DPP10: variants seen among roughly 807,000 people sequenced by gnomAD.
DPP10 encodes the protein dipeptidyl peptidase like 10.
Under a neutral mutation model 120.9 loss-of-function variants are expected in DPP10, and 33 were observed. The ratio of observed to expected loss-of-function variants is 0.27; its 90% CI spans 0.21 to 0.37. The LOEUF (loss-of-function observed/expected upper bound fraction) is 0.37, where lower values mean the gene tolerates loss of function less well. Among genes scored for constraint, DPP10 ranks in the 10% least tolerant of loss-of-function variants. DPP10 has a pLI of 1.00. For missense variants in DPP10, 816 were observed against 942.8 expected (o/e 0.87, Z 1.76); for synonymous variants, 337 against 326.1 (o/e 1.03, Z -0.36).
At chr2:114,921,082 G>T (rs955202210) in intron 1 of DPP10, among the ~76,000 whole-genome samples, 2 of 152,200 alleles carry the variant, frequency 1.3e-5, no homozygotes, top group Admixed American at 6.5e-5. Context: ...AATAAATAAA[G>T]TTCTTCACCC....
intron 1 of DPP10, among the ~76,000 whole-genome samples, chr2:115,300,884 C>G (rs938771403): frequency 3.3e-5 from 5 of 151,910 alleles, no homozygotes; most frequent in Non-Finnish European, 1.5e-5. Context: ...GGCTGGATTT[C>G]CCTGTTTCTT....
chr2:114,515,880 T>G (rs1250526818), intron 1 of DPP10, among the ~76,000 whole-genome samples: 1 of 152,144 alleles, frequency 6.6e-6, no homozygotes, highest in Non-Finnish European at 1.5e-5. Context: ...ATGGATCTCC[T>G]TAGCGCTGGT....
At chr2:115,579,476 T>C (rs897338216) in intron 5 of DPP10, 2 of 152,246 alleles carry the variant, frequency 1.3e-5, no homozygotes, top group East Asian at 1.9e-4. Flanking sequence ...TGTGGCCTAA[T>C]GGTGGAACCA....
intron 1 of DPP10, among the ~76,000 whole-genome samples, chr2:114,813,392 A>T (rs1685350162): frequency 6.6e-6 from 1 of 152,202 alleles, no homozygotes; most frequent in Admixed American, 6.5e-5. Context: ...GTAAACAGGA[A>T]TAAAATACCA....
chr2:115,733,186 T>G (rs2092951892), intron 8 of DPP10, among the ~76,000 whole-genome samples: 1 of 152,214 alleles, frequency 6.6e-6, no homozygotes, highest in East Asian at 1.9e-4. Flanking sequence ...CTTTTTTTGT[T>G]GAAATAAAAC....
intron 1 of DPP10, among the ~76,000 whole-genome samples, chr2:114,544,936 C>T (rs993508319): frequency 2.6e-5 from 4 of 151,998 alleles, no homozygotes; most frequent in African/African-American, 9.7e-5. Flanking sequence ...ACTGCAACCT[C>T]CGCCTTCTGG....
chr2:115,266,354 A>G (rs548227195), intron 1 of DPP10, among the ~76,000 whole-genome samples: 10 of 152,320 alleles, frequency 6.6e-5, no homozygotes, highest in African/African-American at 2.4e-4. Flanking sequence ...GATATGCACC[A>G]TGGTCACCTA....
chr2:115,816,580 A>G (rs1687249955), intron 21 of DPP10, among the ~76,000 whole-genome samples: 1 of 150,422 alleles, frequency 6.6e-6, no homozygotes, highest in East Asian at 2.0e-4. Context: ...CCTCATATAG[A>G]TATTTATTAG....
intron 1 of DPP10, among the ~76,000 whole-genome samples, chr2:114,736,248 T>C (rs1677422229): frequency 6.6e-6 from 1 of 152,104 alleles, no homozygotes; most frequent in Admixed American, 6.5e-5. Flanking sequence ...ACTCTGTGCG[T>C]GCTCATGCCT....
At chr2:115,551,528 C>T (rs534002673) in intron 5 of DPP10, among the ~76,000 whole-genome samples, 12 of 152,172 alleles carry the variant, frequency 7.9e-5, no homozygotes, top group African/African-American at 2.4e-4. Context: ...ACTTTTCATG[C>T]CTCTCCCTAG....
intron 1 of DPP10, among the ~76,000 whole-genome samples, chr2:114,472,192 T>C (rs1178783645): frequency 1.3e-5 from 2 of 152,170 alleles, no homozygotes; most frequent in Admixed American, 6.5e-5. Context: ...ACTTCTCATA[T>C]CTTTTTGACA....
At chr2:114,653,610 A>G (rs991282931) in intron 1 of DPP10, among the ~76,000 whole-genome samples, 1 of 152,172 alleles carries the variant, frequency 6.6e-6, no homozygotes, top group African/African-American at 2.4e-5. Context: ...TGCATTTGTC[A>G]TGCCCTCCAA....
chr2:114,642,284 T>A (rs754819311), intron 1 of DPP10, among the ~76,000 whole-genome samples: 8 of 151,898 alleles, frequency 5.3e-5, no homozygotes, highest in Non-Finnish European at 1.0e-4. Flanking sequence ...GTAGGTCTTA[T>A]CCACATTTAC....
chr2:115,805,613 C>T (rs189557334), intron 19 of DPP10, among the ~76,000 whole-genome samples: 5 of 149,092 alleles, frequency 3.4e-5, no homozygotes, highest in African/African-American at 7.5e-5. Context: ...TCACTCCTGT[C>T]GCCCAGGCTG....
chr2:115,518,527 T>C (rs2077625546), intron 4 of DPP10, among the ~76,000 whole-genome samples: 1 of 152,124 alleles, frequency 6.6e-6, no homozygotes, highest in Non-Finnish European at 1.5e-5. Flanking sequence ...ATATTGGACA[T>C]TATAGTTTCC....
At chr2:115,325,577 T>C (rs1340744364) in intron 2 of DPP10, among the ~76,000 whole-genome samples, 1 of 152,110 alleles carries the variant, frequency 6.6e-6, no homozygotes, top group Non-Finnish European at 1.5e-5. Context: ...TTGGGGCATT[T>C]GAATTGCATA....
intron 5 of DPP10, among the ~76,000 whole-genome samples, chr2:115,673,042 C>A (rs915389557): frequency 6.6e-6 from 1 of 152,074 alleles, no homozygotes; most frequent in African/African-American, 2.4e-5. Flanking sequence ...AGCCACTGCG[C>A]CCGACTATCA....
At chr2:115,824,409 C>T (rs548171109) in intron 21 of DPP10, among the ~76,000 whole-genome samples, 2 of 152,004 alleles carry the variant, frequency 1.3e-5, no homozygotes, top group South Asian at 2.1e-4. Context: ...ACTTATCAAC[C>T]CGTCATCTAG....
At chr2:115,236,256 C>T (rs560252435) in intron 1 of DPP10, among the ~76,000 whole-genome samples, 2 of 152,156 alleles carry the variant, frequency 1.3e-5, no homozygotes, top group Non-Finnish European at 2.9e-5. Context: ...GTTGTTCTAA[C>T]GTCACGTTGG....
Sources: gnomAD v4.1 joint callset for allele counts (sites outside exome capture counted in the v4.1 genomes callset) on GRCh38, gnomAD v4.1.1 for gene constraint, MANE v1.5 for transcripts, NCBI Gene and HGNC (gene_info 2026-07-23, HGNC 2026-07-21) for gene names.